The following PTPRN2 variants were observed in gnomAD, a reference collection of about 807,000 sequenced individuals.
PTPRN2 encodes receptor-type tyrosine-protein phosphatase N2.
Under a neutral mutation model 118.8 loss-of-function variants are expected in PTPRN2, and 74 were observed. The ratio of observed to expected loss-of-function variants is 0.62; its 90% CI spans 0.52 to 0.76. The LOEUF is 0.76. Ranked by LOEUF, PTPRN2 falls within the 30% of genes least tolerant of loss-of-function variation. The pLI is 0.00. For missense variants in PTPRN2, 1,481 were observed against 1,394.4 expected, an observed-to-expected ratio of 1.06 and a Z score of -0.99; for synonymous variants, 641 against 608.0, an observed-to-expected ratio of 1.05 and a Z score of -0.80.
At chr7:157,640,398 A>T (rs1012454601) in intron 14 of PTPRN2, among the ~76,000 whole-genome samples, 49 of 152,366 alleles carry the variant, frequency 3.2e-4, no homozygotes, top group African/African-American at 1.1e-3. Flanking sequence ...TAGAGAAAAT[A>T]GGAAAGGGAT....
chr7:158,228,844 T>C (rs926932437), intron 3 of PTPRN2, among the ~76,000 whole-genome samples: 1 of 151,978 alleles, frequency 6.6e-6, no homozygotes, highest in Non-Finnish European at 1.5e-5. Flanking sequence ...CTTCAACCCA[T>C]GGGAAGCGCT....
rs10807650 is a variant in PTPRN2, at chr7:157,598,497, G to A, written c.2419-3182C>T. On this transcript the variant is annotated intron_variant, in intron 16 of 22. Transcript: ENST00000389418. The surrounding 1 kb of genome is among the most constrained non-coding windows in gnomAD (Gnocchi z 5.2). ...TCAGGGAGTGAGGAGCTTGGACGTC[G>A]GCGTCTCCGGGCCTCAGTCTCCATA... Among the ~76,000 whole-genome samples, 27,200 of 143,088 alleles carry A rather than the reference G, an allele frequency of 0.19. 3,131 individuals carry two copies. Among genetic ancestry groups the A allele is most frequent in the East Asian group, 0.44 (2,095 of 4,816 alleles). The allele number at this position is 143,088 out of a possible 152,430, so 93.9% of individuals were successfully genotyped here.
intron 11 of PTPRN2, among the ~76,000 whole-genome samples, chr7:157,907,777 C>T (rs926584021): frequency 6.6e-6 from 1 of 152,110 alleles, no homozygotes; most frequent in Non-Finnish European, 1.5e-5. Flanking sequence ...TTCTCTTTTC[C>T]ACCCTCTTCT....
At chr7:157,978,736 T>C (rs528019316) in intron 11 of PTPRN2, among the ~76,000 whole-genome samples, 1 of 152,110 alleles carries the variant, frequency 6.6e-6, no homozygotes, top group South Asian at 2.1e-4. Context: ...CTGCACACTT[T>C]CTGTTCCCTT....
At chr7:158,422,372 T>C (rs1815324833) in intron 2 of PTPRN2, among the ~76,000 whole-genome samples, 1 of 152,194 alleles carries the variant, frequency 6.6e-6, no homozygotes, top group African/African-American at 2.4e-5. Context: ...ACCCCATCAA[T>C]GGCAGCTTCC....
At chr7:158,235,491 A>G (rs1222681479) in intron 3 of PTPRN2, among the ~76,000 whole-genome samples, 1 of 152,238 alleles carries the variant, frequency 6.6e-6, no homozygotes, top group Non-Finnish European at 1.5e-5. Flanking sequence ...TAAGCCAAAC[A>G]TAGAAAGACA....
At chr7:158,465,773 C>G (rs987151637) in intron 2 of PTPRN2, among the ~76,000 whole-genome samples, 3 of 152,218 alleles carry the variant, frequency 2.0e-5, no homozygotes, top group Non-Finnish European at 4.4e-5. Flanking sequence ...AGCCAGCTAC[C>G]TGCCACATGT....
In PTPRN2 at chr7:157,903,234, G is replaced by C. The variant is rs1217781179; in HGVS notation, c.1724-4497C>G. Among the ~76,000 whole-genome samples the C allele has an allele frequency of 6.6e-6, 1 of 152,138 alleles. No individual in the cohort carries two copies. The highest frequency in any genetic ancestry group is 1.9e-4 in the East Asian group (1 of 5,192). ...GACATCGGGTACTTACAGCCATAGA[G>C]ATGGGAACAACAGACACGTAAGAGG... is the stretch of plus-strand genomic sequence containing the variant. On this transcript the variant is annotated intron_variant, in intron 11 of 22. Coordinates refer to ENST00000389418, the MANE Select transcript of PTPRN2 (RefSeq NM_002847.5). This position sits in a 1 kb window ranked among gnomAD's most constrained non-coding sequence, Gnocchi z 4.2.
intron 2 of PTPRN2, among the ~76,000 whole-genome samples, chr7:158,488,164 C>G (rs1018466368): frequency 1.2e-4 from 18 of 152,288 alleles, no homozygotes; most frequent in African/African-American, 3.9e-4. Context: ...CCATTATCAT[C>G]AAAAGCTGTT....
intron 12 of PTPRN2, among the ~76,000 whole-genome samples, chr7:157,805,518 A>G (rs146801989): frequency 0.019 from 2,883 of 152,322 alleles, 81 homozygotes; most frequent in South Asian, 0.12. Flanking sequence ...AATTTAAATG[A>G]GCACCAGGGG....
At chr7:157,637,350 G>A (rs1804381026) in intron 14 of PTPRN2, among the ~76,000 whole-genome samples, 1 of 152,206 alleles carries the variant, frequency 6.6e-6, no homozygotes. Context: ...TCTAGGAGAA[G>A]AGCAGAATCT....
At chr7:157,773,765 G>T (rs756625472) in intron 12 of PTPRN2, among the ~76,000 whole-genome samples, 29 of 152,216 alleles carry the variant, frequency 1.9e-4, no homozygotes, top group Non-Finnish European at 3.5e-4. Flanking sequence ...CCAGGTCCTG[G>T]TTGGTGGGGC....
chr7:158,527,190 G>A (rs1036425868), intron 1 of PTPRN2, among the ~76,000 whole-genome samples: 7 of 151,832 alleles, frequency 4.6e-5, no homozygotes, highest in African/African-American at 1.2e-4. Flanking sequence ...TGTCCTTCCC[G>A]CACCGTGGGC....
At chr7:157,815,950 C>T (rs927183101) in intron 12 of PTPRN2, among the ~76,000 whole-genome samples, 4 of 152,232 alleles carry the variant, frequency 2.6e-5, no homozygotes, top group East Asian at 1.9e-4. Context: ...CCCCAGCACA[C>T]GCCCTCTCTG....
At chr7:158,258,779 T>C (rs1797196727) in intron 3 of PTPRN2, among the ~76,000 whole-genome samples, 1 of 152,222 alleles carries the variant, frequency 6.6e-6, no homozygotes, top group South Asian at 2.1e-4. Flanking sequence ...GGCCTATTTG[T>C]TGTTCATATT....
At chr7:158,276,300 C>T (rs1467681855) in intron 3 of PTPRN2, among the ~76,000 whole-genome samples, 9 of 73,252 alleles carry the variant, frequency 1.2e-4, no homozygotes, top group African/African-American at 3.6e-4. Flanking sequence ...CACCCCCACA[C>T]CCCGGCCCCG....
intron 11 of PTPRN2, among the ~76,000 whole-genome samples, chr7:158,073,450 G>A (rs575957909): frequency 3.9e-5 from 6 of 152,274 alleles, no homozygotes; most frequent in South Asian, 2.1e-4. Context: ...CACCTTCCTC[G>A]GGCACCCCTT....
chr7:158,396,812 G>A lies in PTPRN2; in HGVS notation c.164-79880C>T, dbSNP rs999146871. 3.9e-5 allele frequency among the ~76,000 whole-genome samples: 6 copies of A among 152,236 alleles called. No homozygotes were observed. The East Asian group carries it at 1.2e-3, about 29-fold the overall frequency. ...TCTGTCCTGTTTTGCCACAACAGCT[G>A]TAGAGAATGCCAAGCAGCTCAGCAG... On this transcript the variant is annotated intron_variant, in intron 2 of 22. Coordinates refer to ENST00000389418, the MANE Select transcript of PTPRN2 (RefSeq NM_002847.5).
At chr7:157,965,972 G>T (rs1801894764) in intron 11 of PTPRN2, among the ~76,000 whole-genome samples, 1 of 152,180 alleles carries the variant, frequency 6.6e-6, no homozygotes. Context: ...GCTTCCCAAA[G>T]CATGCATGGG....
Sources: allele counts gnomAD v4.1 joint callset (sites outside exome capture counted in the v4.1 genomes callset), GRCh38; gene constraint gnomAD v4.1.1; non-coding constraint Gnocchi (gnomAD v3.1); transcripts MANE v1.5; gene names NCBI Gene and HGNC (gene_info 2026-07-23, HGNC 2026-07-21).